HP1BP3: variants seen among roughly 807,000 people sequenced by gnomAD.
HP1BP3 encodes the protein heterochromatin protein 1-binding protein 3.
A neutral mutation model predicts 62.5 loss-of-function variants in HP1BP3; 12 were observed. The observed-to-expected ratio is 0.19, with a 90% CI of 0.12 to 0.31. The LOEUF is 0.31. Ranked by LOEUF, HP1BP3 falls within the 10% of genes least tolerant of loss-of-function variation. The pLI is 1.00. For missense variants in HP1BP3, 502 were observed against 651.8 expected (o/e 0.77, Z 2.50); for synonymous variants, 260 against 237.8 (o/e 1.09, Z -0.86).
intron 1 of HP1BP3, among the ~76,000 whole-genome samples, chr1:20,785,825 GA>G (rs1350014885): frequency 1.8e-4 from 28 of 152,274 alleles, no homozygotes; most frequent in Admixed American, 1.8e-3. Flanking sequence ...CTAAACTTTT[GA>G]GAAGAGCAAT....
chr1:20,763,628 C>CAA (rs1425448274), intron 8 of HP1BP3, among the ~76,000 whole-genome samples: 5 of 152,212 alleles, frequency 3.3e-5, no homozygotes, highest in African/African-American at 1.2e-4. Flanking sequence ...TCATCTCACA[C>CAA]AAACACTCTC....
In HP1BP3 at chr1:20,740,580, G is replaced by C. The variant is rs2055054811; in HGVS notation, c.*4217C>G. On this transcript the variant is annotated 3_prime_UTR_variant, in exon 13 of 13. Transcript: ENST00000438032. ...TCACGCCTGTAATCCTGGCACTTTGGAAAGCCCAGGTGGGAAGATCACGTG... is the reference window on the plus strand; with the variant it reads ...TCACGCCTGTAATCCTGGCACTTTGCAAAGCCCAGGTGGGAAGATCACGTG... Among the ~76,000 whole-genome samples the C allele has an allele frequency of 6.6e-6, 1 of 152,216 alleles. No individual in the cohort carries two copies. The highest frequency in any genetic ancestry group is 1.5e-5 in the Non-Finnish European group (1 of 68,032).
At chr1:20,775,210 T>C (rs752720116) in intron 4 of HP1BP3, among the ~76,000 whole-genome samples, 40 of 152,160 alleles carry the variant, frequency 2.6e-4, no homozygotes, top group Non-Finnish European at 5.1e-4. Context: ...TCCATGTGTG[T>C]TGCTGCCCCT....
At chr1:20,745,295 C>T (rs1470406037) in intron 12 of HP1BP3, among the ~76,000 whole-genome samples, 1 of 152,144 alleles carries the variant, frequency 6.6e-6, no homozygotes, top group African/African-American at 2.4e-5. Context: ...AATTTCATGA[C>T]GTTGTTCCTA....
At position 20,749,787 on chromosome 1, in the gene HP1BP3, G is replaced by A. The variant is rs2055597555; in HGVS notation, c.1077C>T (p.Cys359=). 1 of 1,613,864 alleles carries A rather than the reference G, an allele frequency of 6.2e-7. No homozygotes were observed. Residue 359 remains cysteine, a synonymous_variant, in exon 10 of 13, where the codon TGC becomes TGT. Transcript: ENST00000438032. ...AIAAMNEPKT[C]STTALKKYVL... ...CATACTTCTTCAGAGCAGTGGTAGAGCAGGTCTTCGGCTCATTCATGGCAG... is the reference window on the plus strand; with the variant it reads ...CATACTTCTTCAGAGCAGTGGTAGAACAGGTCTTCGGCTCATTCATGGCAG...
At chr1:20,763,543 G>C (rs942460792) in intron 8 of HP1BP3, among the ~76,000 whole-genome samples, 1 of 152,162 alleles carries the variant, frequency 6.6e-6, no homozygotes, top group African/African-American at 2.4e-5. Context: ...GTACTACACT[G>C]TATCGGGACA....
At chr1:20,782,303 G>A (rs533465063) in intron 1 of HP1BP3, among the ~76,000 whole-genome samples, 2 of 152,012 alleles carry the variant, frequency 1.3e-5, no homozygotes, top group Middle Eastern at 3.4e-3. Flanking sequence ...TTAAAAACAG[G>A]CCAGGTGTGG....
chr1:20,774,789 C>T (rs1557668236), intron 4 of HP1BP3: 1 of 152,152 alleles, frequency 6.6e-6, no homozygotes, highest in Non-Finnish European at 1.5e-5. Flanking sequence ...TTGAGACCAT[C>T]CTGGCCAACA....
intron 1 of HP1BP3, among the ~76,000 whole-genome samples, chr1:20,784,473 T>TC (rs1307562313): frequency 3.5e-5 from 5 of 143,858 alleles, no homozygotes; most frequent in South Asian, 2.2e-4. Context: ...ATTTGTGTTT[T>TC]CCCTTTTTTT....
intron 11 of HP1BP3, 46 bp downstream of exon 11, chr1:20,747,498 C>G: frequency 8.5e-7 from 1 of 1,170,692 alleles, no homozygotes; most frequent in Non-Finnish European, 1.2e-6. Flanking sequence ...GAGTGTGTAA[C>G]TTAGACTATA....
chr1:20,754,736 CTT>C (rs1451923620), intron 9 of HP1BP3, among the ~76,000 whole-genome samples: 1 of 152,108 alleles, frequency 6.6e-6, no homozygotes. Context: ...AAGGGACAGT[CTT>C]TTCAATAAAA....
chr1:20,768,362 C>T (rs1570632901), intron 6 of HP1BP3, among the ~76,000 whole-genome samples: 1 of 152,132 alleles, frequency 6.6e-6, no homozygotes, highest in Non-Finnish European at 1.5e-5. Context: ...AGGAGAATGG[C>T]GTGAACCCAG....
chr1:20,749,852 C>G lies in HP1BP3; in HGVS notation c.1012G>C (p.Gly338Arg). 6.2e-7 allele frequency: 1 copy of G among 1,613,758 alleles called. No individual in the cohort carries two copies. Among genetic ancestry groups the G allele is most frequent in the Non-Finnish European group, 8.5e-7 (1 of 1,179,850 alleles). ...LKKSGEKPLL[G>R]GSLMEYAILS... is the part of the protein sequence containing the mutation. ...ATTGCATATTCCATCAGGCTTCCAC[C>G]AAGCAGGGGTTTCTCCCCTGATTTC... is the stretch of plus-strand genomic sequence containing the variant. The change falls in exon 10 of 13, where the codon GGT becomes CGT. Residue 338 changes from glycine to arginine, a missense_variant. Transcript: ENST00000438032.
Position 20,759,554 on chromosome 1 carries a change from AC to A in HP1BP3, c.891-2299del, listed in dbSNP as rs1327547037. Among the ~76,000 whole-genome samples the A allele has an allele frequency of 5.9e-5, 9 of 152,336 alleles. No individual in the cohort carries two copies. In the East Asian group the frequency reaches 1.7e-3, roughly 29 times the overall value. On this transcript the variant is annotated intron_variant, in intron 8 of 12. Coordinates refer to ENST00000438032, the MANE Select transcript of HP1BP3 (RefSeq NM_001372052.1). ...TACAATGAGAAGAAGGCACTCTGAC[AC>A]CCAGAAGAGGCCCTCACAGAACCCA...
rs769136455 is a variant in HP1BP3, at chr1:20,745,024, G to C, written c.1435C>G (p.Pro479Ala). 2.5e-6 allele frequency: 4 copies of C among 1,614,136 alleles called. No individual in the cohort carries two copies. Among genetic ancestry groups the C allele is most frequent in the Non-Finnish European group, 3.4e-6 (4 of 1,180,024 alleles). The change falls in exon 13 of 13, where the codon CCT becomes GCT. Residue 479 changes from proline (P) to alanine (A), a missense_variant. Pro to Ala is a conservative substitution (Grantham distance 27). Coordinates refer to ENST00000438032, the MANE Select transcript of HP1BP3 (RefSeq NM_001372052.1). ...TGGGCAGCTGAGACTTTAGGTGCAG[G>C]TTTGGACCCTCTCTGCTTCACAGAT... is the stretch of plus-strand genomic sequence containing the variant. ...AASVKQRGSK[P>A]APKVSAAQRG...
intron 9 of HP1BP3, among the ~76,000 whole-genome samples, chr1:20,753,079 T>C (rs996183498): frequency 2.0e-5 from 3 of 152,108 alleles, no homozygotes; most frequent in Admixed American, 6.6e-5. Context: ...GTAGCTGGGA[T>C]TGCAGGCATG....
In HP1BP3 at chr1:20,780,331, G is replaced by C. The variant is rs1199496008; in HGVS notation, c.96+14C>G. 1.3e-6 allele frequency: 2 copies of C among 1,586,154 alleles called. No individual in the cohort carries two copies. The highest frequency in any genetic ancestry group is 2.7e-5 in the African/African-American group (2 of 74,472). ...TGATCCAAGAGTGAGCTTCAAGAAT[G>C]TGTCAGCCCCTACCTCACCTAACTT... On this transcript the variant is annotated intron_variant, in intron 2 of 12. Coordinates refer to ENST00000438032, the MANE Select transcript of HP1BP3 (RefSeq NM_001372052.1).
chr1:20,776,806 TA>T, intron 3 of HP1BP3, 56 bp from the exon 4 acceptor site: 1 of 1,466,528 alleles, frequency 6.8e-7, no homozygotes, highest in Non-Finnish European at 9.2e-7. Context: ...TCTGAGTCAA[TA>T]AAAGGTAAAA....
At chr1:20,768,083 A>T (rs1026310768) in intron 6 of HP1BP3, among the ~76,000 whole-genome samples, 1 of 152,208 alleles carries the variant, frequency 6.6e-6, no homozygotes, top group Admixed American at 6.5e-5. Context: ...TTTAGAGCCT[A>T]ATTAGTCTCA....
Sources: gnomAD v4.1 joint callset for allele counts (sites outside exome capture counted in the v4.1 genomes callset) on GRCh38, gnomAD v4.1.1 for gene constraint, MANE v1.5 for transcripts, NCBI Gene and HGNC (gene_info 2026-07-23, HGNC 2026-07-21) for gene names.